Variants in ME3 observed in about 807,000 individuals in gnomAD.
ME3 encodes the protein NADP-dependent malic enzyme, mitochondrial.
In ME3, 48 loss-of-function variants were observed where a neutral mutation model predicts 68.9. That is an observed-to-expected ratio of 0.70 (90% CI 0.55 to 0.89). The LOEUF (loss-of-function observed/expected upper bound fraction) is 0.89. Among genes scored for constraint, ME3 ranks in the 40% least tolerant of loss-of-function variants. ME3 has a pLI of 0.00. For synonymous variants in ME3, 320 were observed against 318.8 expected, an observed-to-expected ratio of 1.00 and a Z score of -0.04; for missense variants, 675 against 797.4, an observed-to-expected ratio of 0.85 and a Z score of 1.85.
At chr11:86,504,680 C>T (rs1952950957) in intron 5 of ME3, among the ~76,000 whole-genome samples, 1 of 151,560 alleles carries the variant, frequency 6.6e-6, no homozygotes, top group South Asian at 2.1e-4. Flanking sequence ...AGACTTGAGC[C>T]ACTGTGCCCA....
intron 2 of ME3, among the ~76,000 whole-genome samples, chr11:86,587,309 A>C (rs755238287): frequency 2.0e-5 from 3 of 152,184 alleles, no homozygotes; most frequent in Non-Finnish European, 4.4e-5. Flanking sequence ...CCCTGAGACC[A>C]TTTTCATCAG....
At chr11:86,444,642 C>G (rs1361084213) in intron 13 of ME3, among the ~76,000 whole-genome samples, 2 of 152,112 alleles carry the variant, frequency 1.3e-5, no homozygotes, top group Non-Finnish European at 2.9e-5. Flanking sequence ...TTGTCTGGAG[C>G]CATCCTGGGC....
intron 4 of ME3, among the ~76,000 whole-genome samples, chr11:86,535,940 C>T (rs1283951519): frequency 6.6e-6 from 1 of 152,182 alleles, no homozygotes; most frequent in Non-Finnish European, 1.5e-5. Flanking sequence ...AGGCCCTGTG[C>T]TAGCTGCTGG....
At position 86,453,460 on chromosome 11, in the gene ME3, A is replaced by G. The variant is rs530222699; in HGVS notation, c.920-3062T>C. Among the ~76,000 whole-genome samples the G allele has an allele frequency of 3.3e-5, 5 of 152,320 alleles. No homozygotes were observed. The East Asian group carries it at 5.8e-4, about 18-fold the overall frequency. ...CTTTTCAGCTTTGCCAACTTGCTCT[A>G]TGCTGGGCTCTGCCAATAGTAGGTG... On this transcript the variant is annotated intron_variant, in intron 8 of 14. Coordinates refer to ENST00000543262, the Ensembl canonical transcript of ME3.
rs1248221014 is a variant in ME3, at chr11:86,621,300, C to T, written c.183+50462G>A. Among the ~76,000 whole-genome samples, 3 of 152,166 alleles carry T rather than the reference C, an allele frequency of 2.0e-5. No individual in the cohort carries two copies. In the East Asian group the frequency reaches 5.8e-4, roughly 29 times the overall value. On this transcript the variant is annotated intron_variant, in intron 2 of 14. Coordinates refer to ENST00000543262, the Ensembl canonical transcript of ME3. ...TCCAGGCCTAAGGCCAGTAAGAAAA[C>T]ATTGTTTTTATTGGCATAGAATTCA...
intron 2 of ME3, among the ~76,000 whole-genome samples, chr11:86,645,450 G>A (rs928950573): frequency 5.3e-5 from 8 of 152,186 alleles, no homozygotes; most frequent in Admixed American, 1.3e-4. Flanking sequence ...CCACCAGGAA[G>A]TTTGGACTGT....
At chr11:86,512,224 C>A (rs1953582778) in intron 4 of ME3, among the ~76,000 whole-genome samples, 1 of 152,232 alleles carries the variant, frequency 6.6e-6, no homozygotes, top group Non-Finnish European at 1.5e-5. Flanking sequence ...TGCTTCTCCT[C>A]ACTCTTTAGT....
intron 2 of ME3, among the ~76,000 whole-genome samples, chr11:86,565,021 A>T (rs2139504617): frequency 6.6e-6 from 1 of 152,326 alleles, no homozygotes; most frequent in Middle Eastern, 3.4e-3. Flanking sequence ...CCAATTTAAA[A>T]AGAGCCAAAG....
chr11:86,453,631 T>A (rs1040942676), intron 8 of ME3, among the ~76,000 whole-genome samples: 12 of 152,202 alleles, frequency 7.9e-5, no homozygotes, highest in Non-Finnish European at 1.8e-4. Context: ...TTTTTTTAAG[T>A]ATAAGTATGT....
chr11:86,549,121 A>T (rs957757432), intron 4 of ME3, among the ~76,000 whole-genome samples: 1 of 152,162 alleles, frequency 6.6e-6, no homozygotes. Context: ...GCTTCATCCA[A>T]CCTATTCACA....
chr11:86,505,259 TG>T lies in ME3; in HGVS notation c.543+3532del, dbSNP rs201006318. Among the ~76,000 whole-genome samples the T allele has an allele frequency of 7.0e-3, 675 of 96,122 alleles. 2 individuals carry two copies. Among genetic ancestry groups the T allele is most frequent in the African/African-American group, 0.023 (609 of 26,616 alleles). The allele number at this position is 96,122 out of a possible 152,430, so 63.1% of individuals were successfully genotyped here. A position where few individuals can be genotyped will look rare whatever the true frequency, so the allele number is the denominator to read the frequency against. ...AAACCTTTAAAAGGGCACCTAGGGG[TG>T]GGGGGGGAGGAACCTCCAGAAAAAG... On this transcript the variant is annotated intron_variant, in intron 5 of 14. Transcript: ENST00000543262.
intron 2 of ME3, among the ~76,000 whole-genome samples, chr11:86,588,483 C>T (rs1017318206): frequency 6.6e-6 from 1 of 152,156 alleles, no homozygotes; most frequent in Non-Finnish European, 1.5e-5. Flanking sequence ...TGACTAAATT[C>T]ATGTCCTACC....
chr11:86,652,201 C>T (rs1945490508), intron 2 of ME3, among the ~76,000 whole-genome samples: 1 of 152,146 alleles, frequency 6.6e-6, no homozygotes, highest in Admixed American at 6.5e-5. Flanking sequence ...CTTCCCCAAT[C>T]TAGCAAGGCA....
chr11:86,528,632 AG>A (rs1467270233), intron 4 of ME3, among the ~76,000 whole-genome samples: 2 of 152,158 alleles, frequency 1.3e-5, no homozygotes, highest in Admixed American at 6.5e-5. Flanking sequence ...CAAATGTAAA[AG>A]AACAGAAATT....
chr11:86,471,143 T>C (rs1442627520), intron 7 of ME3, among the ~76,000 whole-genome samples: 2 of 71,128 alleles, frequency 2.8e-5, no homozygotes, highest in Non-Finnish European at 6.0e-5. Flanking sequence ...GCCCAGAGCT[T>C]TTTTTTTTTT....
intron 8 of ME3, among the ~76,000 whole-genome samples, chr11:86,463,457 C>A (rs113710081): frequency 5.9e-5 from 9 of 152,346 alleles, no homozygotes; most frequent in South Asian, 2.1e-4. Flanking sequence ...TGCTTCCCCC[C>A]ACCAGCGCAT....
At chr11:86,567,134 A>C (rs1301938036) in intron 2 of ME3, among the ~76,000 whole-genome samples, 1 of 151,882 alleles carries the variant, frequency 6.6e-6, no homozygotes, top group East Asian at 1.9e-4. Flanking sequence ...GGAAAATCGC[A>C]TGAAACTGGG....
intron 14 of ME3, 83 bp downstream of exon 14, chr11:86,442,738 A>G: frequency 8.5e-7 from 1 of 1,172,468 alleles, no homozygotes; most frequent in Non-Finnish European, 1.2e-6. Flanking sequence ...CACAGTTTCC[A>G]TCCCCTTAAC....
At chr11:86,574,779 T>C (rs1958000870) in intron 2 of ME3, among the ~76,000 whole-genome samples, 1 of 152,150 alleles carries the variant, frequency 6.6e-6, no homozygotes, top group South Asian at 2.1e-4. Flanking sequence ...ACGTCAACTT[T>C]CTCGTAGTCG....
Sources: gnomAD v4.1 joint callset for allele counts (sites outside exome capture counted in the v4.1 genomes callset) on GRCh38, gnomAD v4.1.1 for gene constraint, MANE v1.5 for transcripts, NCBI Gene and HGNC (gene_info 2026-07-23, HGNC 2026-07-21) for gene names.